The following ADAM12 variants were observed in gnomAD, a reference collection of about 807,000 sequenced individuals.
ADAM12 encodes ADAM metallopeptidase domain 12.
ADAM12 carries 70 observed loss-of-function variants against 106.4 expected under a neutral mutation model. That is an observed-to-expected ratio of 0.66 (90% CI 0.54 to 0.80). The LOEUF is 0.80. ADAM12 is among the 30% of genes least tolerant of loss of function. The pLI is 0.00. For synonymous variants in ADAM12, 420 were observed against 433.5 expected, an observed-to-expected ratio of 0.97 and a Z score of 0.39; for missense variants, 1,010 against 1,171.9, an observed-to-expected ratio of 0.86 and a Z score of 2.02.
chr10:126,021,461 A>T (rs1953765989), intron 21 of ADAM12, among the ~76,000 whole-genome samples: 2 of 152,240 alleles, frequency 1.3e-5, no homozygotes, highest in Admixed American at 1.3e-4. Flanking sequence ...GAAGTTTGTA[A>T]ATCACAAGTG....
intron 16 of ADAM12, among the ~76,000 whole-genome samples, chr10:126,046,704 G>A (rs1293401593): frequency 1.3e-5 from 2 of 150,376 alleles, no homozygotes; most frequent in Admixed American, 6.7e-5. Context: ...TTGGGAGGCC[G>A]AGGCAGGAGA....
intron 3 of ADAM12, among the ~76,000 whole-genome samples, chr10:126,194,111 C>G (rs1256161679): frequency 6.6e-6 from 1 of 151,668 alleles, no homozygotes; most frequent in Non-Finnish European, 1.5e-5. Context: ...GCTCCAGGTG[C>G]TTATTAGGAG....
intron 10 of ADAM12, 81 bp downstream of exon 10, chr10:126,098,335 T>C (rs1955595069): frequency 1.7e-6 from 2 of 1,146,062 alleles, no homozygotes; most frequent in African/African-American, 3.1e-5. Flanking sequence ...AAAGGATCTA[T>C]CTTCACAAAG....
In ADAM12 at chr10:126,094,100, T is replaced by C; in HGVS notation, c.1030A>G (p.Thr344Ala). 6.2e-7 allele frequency: 1 copy of C among 1,614,120 alleles called. No individual in the cohort carries two copies. The highest frequency in any genetic ancestry group is 1.1e-5 in the South Asian group (1 of 91,066). ...TTGTGGCCCAGCTCATGTGCCAGGG[T>C]CACGGCTGCACCAAGGGGATTGTCT... ...HSDNPLGAAV[T>A]LAHELGHNFG... Residue 344 changes from threonine to alanine, a missense_variant, in exon 11 of 23, where the codon ACC becomes GCC. This residue lies in a region of ADAM12 where 391 missense variants were observed against 442.9 expected (regional missense o/e 0.88). Transcript: ENST00000448723.
At chr10:126,100,952 C>G in intron 9 of ADAM12, 120 bp downstream of exon 9, 1 of 1,089,588 alleles carries the variant, frequency 9.2e-7, no homozygotes, top group Non-Finnish European at 1.3e-6. Context: ...GAGAAGCCCC[C>G]TTGCACAAGG....
At chr10:126,019,438 T>A (rs764246850) in intron 22 of ADAM12, among the ~76,000 whole-genome samples, 3 of 152,230 alleles carry the variant, frequency 2.0e-5, no homozygotes, top group Non-Finnish European at 4.4e-5. Context: ...GTACTGTAGT[T>A]TTATGACATC....
At chr10:126,209,585 A>C (rs1282872827) in intron 3 of ADAM12, among the ~76,000 whole-genome samples, 1 of 152,194 alleles carries the variant, frequency 6.6e-6, no homozygotes, top group Non-Finnish European at 1.5e-5. Context: ...CAGATTTTAC[A>C]AACTCTGTTG....
chr10:126,150,852 G>T (rs1452145885), intron 4 of ADAM12, among the ~76,000 whole-genome samples: 1 of 152,108 alleles, frequency 6.6e-6, no homozygotes, highest in African/African-American at 2.4e-5. Context: ...AAACTCTTTA[G>T]TATGGAAAGG....
intron 2 of ADAM12, among the ~76,000 whole-genome samples, chr10:126,299,290 G>C (rs1409764866): frequency 6.6e-6 from 1 of 152,240 alleles, no homozygotes; most frequent in Non-Finnish European, 1.5e-5. Flanking sequence ...TGGAACTTCA[G>C]TCACTAGGGA....
chr10:126,196,551 G>T (rs1276307232), intron 3 of ADAM12, among the ~76,000 whole-genome samples: 1 of 152,208 alleles, frequency 6.6e-6, no homozygotes, highest in Admixed American at 6.5e-5. Context: ...GAGCAACTCT[G>T]ATTGGCTCAA....
At chr10:126,361,832 G>A (rs770673676) in intron 1 of ADAM12, among the ~76,000 whole-genome samples, 1 of 152,078 alleles carries the variant, frequency 6.6e-6, no homozygotes, top group Non-Finnish European at 1.5e-5. Context: ...AAACTAGATT[G>A]CTAGAAGGAA....
intron 18 of ADAM12, chr10:126,042,086 C>T: frequency 6.2e-7 from 1 of 1,600,022 alleles, no homozygotes. Flanking sequence ...GACGCGTGAC[C>T]TCCTCTGCAG....
intron 12 of ADAM12, among the ~76,000 whole-genome samples, chr10:126,071,105 A>C (rs1228485687): frequency 1.3e-5 from 2 of 152,222 alleles, no homozygotes; most frequent in Middle Eastern, 3.2e-3. Context: ...CCCCTCTGGT[A>C]GCACACCTTA....
At chr10:126,135,350 G>C (rs1334142838) in intron 5 of ADAM12, 1 of 515,086 alleles carries the variant, frequency 1.9e-6, no homozygotes, top group East Asian at 3.0e-5. Context: ...TACCCCACCA[G>C]GCCTGAGGAT....
intron 3 of ADAM12, among the ~76,000 whole-genome samples, chr10:126,166,508 GT>G (rs1554980115): frequency 2.6e-5 from 4 of 151,366 alleles, no homozygotes; most frequent in African/African-American, 7.3e-5. Context: ...TTTGTTTTTT[GT>G]TTTTTTTGAG....
At chr10:126,212,560 A>G (rs1957921569) in intron 3 of ADAM12, among the ~76,000 whole-genome samples, 1 of 152,058 alleles carries the variant, frequency 6.6e-6, no homozygotes, top group Non-Finnish European at 1.5e-5. Flanking sequence ...ATTTTATTTT[A>G]TTTTATTTTA....
chr10:126,073,229 C>G (rs1475541256), intron 11 of ADAM12, among the ~76,000 whole-genome samples: 1 of 152,138 alleles, frequency 6.6e-6, no homozygotes, highest in Non-Finnish European at 1.5e-5. Flanking sequence ...GCTGGGATTA[C>G]AGGCGCCCAC....
rs571864982 is a variant in ADAM12 at position 126,100,924 on chromosome 10, G to GC, written c.911+147dup. 3.0e-4 allele frequency: 226 copies of GC among 747,972 alleles called. No homozygotes were observed. In the African/African-American group the frequency reaches 3.7e-3, roughly 12 times the overall value. The allele number at this position is 747,972 out of a possible 1,614,324, so 46.3% of individuals were successfully genotyped here. A position where few individuals can be genotyped will look rare whatever the true frequency, so the allele number is the denominator to read the frequency against. ...TCAGTTCCAGGTGAGGGTGGCATCTGCCCCCCTGGTGTGAGCTGAGAAGCC... is the reference window on the plus strand; with the variant it reads ...TCAGTTCCAGGTGAGGGTGGCATCTGCCCCCCCTGGTGTGAGCTGAGAAGCC... On this transcript the variant is annotated intron_variant, in intron 9 of 22. Transcript: ENST00000448723.
At chr10:126,090,473 G>A (rs1955442641) in intron 11 of ADAM12, among the ~76,000 whole-genome samples, 3 of 152,104 alleles carry the variant, frequency 2.0e-5, no homozygotes, top group South Asian at 2.1e-4. Context: ...TGCAGCATAC[G>A]TAGCCCTCAC....
Sources: allele counts gnomAD v4.1 joint callset (sites outside exome capture counted in the v4.1 genomes callset), GRCh38; gene constraint gnomAD v4.1.1; regional missense constraint gnomAD v4.1.1; transcripts MANE v1.5; gene names NCBI Gene and HGNC (gene_info 2026-07-23, HGNC 2026-07-21).